Variants in BRD4 observed in about 807,000 individuals in gnomAD.
BRD4 encodes bromodomain containing 4.
BRD4 carries 16 observed loss-of-function variants against 142.1 expected under a neutral mutation model. That is an observed-to-expected ratio of 0.11 (90% CI 0.08 to 0.17). The LOEUF (loss-of-function observed/expected upper bound fraction) is 0.17, where lower values mean the gene tolerates loss of function less well. BRD4 is among the 10% of genes least tolerant of loss of function. The pLI, the probability that BRD4 is intolerant of heterozygous loss-of-function variation, is 1.00. For missense variants in BRD4, 1,424 were observed against 1,810.9 expected (o/e 0.79, Z 3.88); for synonymous variants, 833 against 707.5 (o/e 1.18, Z -2.82).
At chr19:15,297,067 G>A (rs2047829096) in intron 1 of BRD4, among the ~76,000 whole-genome samples, 1 of 152,164 alleles carries the variant, frequency 6.6e-6, no homozygotes, top group Admixed American at 6.5e-5. Context: ...TTGTATCTGT[G>A]AGGAGTAAAC....
intron 1 of BRD4, among the ~76,000 whole-genome samples, chr19:15,273,772 C>G (rs2047615772): frequency 6.6e-6 from 1 of 151,128 alleles, no homozygotes; most frequent in African/African-American, 2.4e-5. Context: ...TGCATGTTTA[C>G]TGCCGATAAA....
intron 14 of BRD4, among the ~76,000 whole-genome samples, chr19:15,241,727 C>A (rs181055354): frequency 8.1e-4 from 124 of 152,240 alleles, no homozygotes; most frequent in Non-Finnish European, 1.4e-3. Context: ...AGCTGCCAGG[C>A]CCAACACCAG....
At position 15,238,603 on chromosome 19, in the gene BRD4, T is replaced by G; in HGVS notation, c.4020+140A>C. The stretch of plus-strand genomic sequence containing the variant: ...CACACAGCACTCAGGGCCCTACAGC[T>G]GAGTCCAGAGGACCACATGCCGACC... On this transcript the variant is annotated intron_variant, in intron 19 of 19. Transcript: ENST00000679869. This position sits in a 1 kb window ranked among gnomAD's most constrained non-coding sequence, Gnocchi z 7.2. 1 of 1,479,236 alleles carries G rather than the reference T, an allele frequency of 6.8e-7. No individual in the cohort carries two copies. Among genetic ancestry groups the G allele is most frequent in the Non-Finnish European group, 9.0e-7 (1 of 1,112,448 alleles). The allele number at this position is 1,479,236 out of a possible 1,614,324, so 91.6% of individuals were successfully genotyped here. A position where few individuals can be genotyped will look rare whatever the true frequency, so the allele number is the denominator to read the frequency against.
chr19:15,239,209 G>C lies in BRD4; in HGVS notation c.3632C>G (p.Thr1211Ser), dbSNP rs776249512. Reference sequence around the variant, plus strand: ...TGACTTGGCTGTGGAGGAGGGGGTGGTCGGATGCTTCTGCACTAGGCTGGC... The same window carrying C: ...TGACTTGGCTGTGGAGGAGGGGGTGCTCGGATGCTTCTGCACTAGGCTGGC... ...SWASLVQKHPTTPSSTAKSSS... is the reference protein window; with the variant it reads ...SWASLVQKHPSTPSSTAKSSS... Residue 1211 changes from threonine to serine, a missense_variant, in exon 18 of 20, where the codon ACC (threonine) becomes AGC (serine). Physicochemically the swap from Thr to Ser is moderately conservative, Grantham distance 58. This residue lies in a region of BRD4 where 49 missense variants were observed against 97.3 expected (regional missense o/e 0.50). Transcript: ENST00000679869. This position sits in a 1 kb window ranked among gnomAD's most constrained non-coding sequence, Gnocchi z 7.4. 6.2e-7 allele frequency: 1 copy of C among 1,613,082 alleles called. No individual in the cohort carries two copies. Among genetic ancestry groups the C allele is most frequent in the Admixed American group, 1.7e-5 (1 of 60,024 alleles).
intron 1 of BRD4, among the ~76,000 whole-genome samples, chr19:15,325,614 T>C (rs1305541951): frequency 6.6e-6 from 1 of 152,082 alleles, no homozygotes; most frequent in Non-Finnish European, 1.5e-5. Context: ...CCTGTCAAGC[T>C]CTGATTGGAG....
intron 1 of BRD4, among the ~76,000 whole-genome samples, chr19:15,296,908 G>C (rs2047827578): frequency 6.7e-6 from 1 of 150,088 alleles, no homozygotes; most frequent in Non-Finnish European, 1.5e-5. Context: ...ATGGAGAGTA[G>C]GCTCTGACGG....
chr19:15,267,317 A>G (rs2145608961), intron 4 of BRD4, 99 bp downstream of exon 4: 2 of 1,438,984 alleles, frequency 1.4e-6, no homozygotes, highest in South Asian at 1.3e-5. Context: ...TGCAGTATAT[A>G]ATGTCACATC....
rs371833804 is a variant in BRD4, at chr19:15,273,115, A to C, written c.-16T>G. The stretch of plus-strand genomic sequence containing the variant: ...CCGCAGACATGCTAGTGATCCCATC[A>C]CATTCTTCACCAGGCACTCTACAAA... On this transcript the variant is annotated 5_prime_UTR_variant, in exon 2 of 20. The change abolishes the stop of an existing upstream ORF in the 5' untranslated region. Coordinates refer to ENST00000679869, the MANE Select transcript of BRD4 (RefSeq NM_001379291.1). The C allele has an allele frequency of 1.7e-5, 26 of 1,566,752 alleles. No individual in the cohort carries two copies. The African/African-American group carries it at 2.6e-4, about 16-fold the overall frequency.
chr19:15,258,571 AC>A (rs1477267312), intron 7 of BRD4, among the ~76,000 whole-genome samples: 1 of 152,078 alleles, frequency 6.6e-6, no homozygotes, highest in Non-Finnish European at 1.5e-5. Flanking sequence ...AGCGTGAGCC[AC>A]TGCGCCTGGC....
At chr19:15,316,562 G>C (rs1385912771) in intron 1 of BRD4, among the ~76,000 whole-genome samples, 1 of 151,900 alleles carries the variant, frequency 6.6e-6, no homozygotes, top group Non-Finnish European at 1.5e-5. Flanking sequence ...TTCCATTCCA[G>C]CCTGGGCAAC....
chr19:15,264,011 C>T (rs1033635480), intron 6 of BRD4: 3 of 237,946 alleles, frequency 1.3e-5, no homozygotes, highest in African/African-American at 4.5e-5. Flanking sequence ...GCACTTACAG[C>T]GTGCCTCCAA....
At chr19:15,317,905 A>C (rs1010907291) in intron 1 of BRD4, among the ~76,000 whole-genome samples, 3 of 152,256 alleles carry the variant, frequency 2.0e-5, no homozygotes, top group Non-Finnish European at 4.4e-5. Flanking sequence ...CCAGGCAGCT[A>C]ATCTGTCAGC....
intron 11 of BRD4, among the ~76,000 whole-genome samples, chr19:15,245,622 G>A (rs1015194312): frequency 6.6e-6 from 1 of 152,184 alleles, no homozygotes; most frequent in Non-Finnish European, 1.5e-5. Flanking sequence ...TCACCCCAGA[G>A]ATTTACACTA....
chr19:15,288,685 C>T (rs921836996), intron 1 of BRD4, among the ~76,000 whole-genome samples: 4 of 152,254 alleles, frequency 2.6e-5, no homozygotes, highest in Non-Finnish European at 4.4e-5. Flanking sequence ...CCAGCAGACA[C>T]ACAGGGCCGC....
intron 1 of BRD4, among the ~76,000 whole-genome samples, chr19:15,311,693 T>C (rs1351879724): frequency 6.6e-6 from 1 of 151,228 alleles, no homozygotes; most frequent in Non-Finnish European, 1.5e-5. Flanking sequence ...TCCCAGCTAC[T>C]TGAGAGGCTG....
chr19:15,265,719 AC>A, intron 4 of BRD4, 76 bp from the exon 5 acceptor site: 1 of 1,464,062 alleles, frequency 6.8e-7, no homozygotes, highest in African/African-American at 1.4e-5. Context: ...GGGGACATAC[AC>A]CACACACAGT....
chr19:15,289,552 AAAAT>A lies in BRD4; in HGVS notation c.-34-16423_-34-16420del, dbSNP rs528874161. On this transcript the variant is annotated intron_variant, in intron 1 of 19. Coordinates refer to ENST00000679869, the MANE Select transcript of BRD4 (RefSeq NM_001379291.1). ...GGCAACAAGAGCGAAACTCCATCTT[AAAAT>A]AAATAAATAAATAAATAAAATAAAT... Among the ~76,000 whole-genome samples the A allele has an allele frequency of 8.1e-4, 123 of 152,212 alleles. 1 individual carries two copies. Among genetic ancestry groups the A allele is most frequent in the African/African-American group, 2.2e-3 (93 of 41,548 alleles).
At chr19:15,278,952 C>T (rs369265487) in intron 1 of BRD4, among the ~76,000 whole-genome samples, 9 of 152,272 alleles carry the variant, frequency 5.9e-5, no homozygotes, top group East Asian at 1.9e-4. Flanking sequence ...AGCAATTCTC[C>T]GGCCTCAGCC....
At chr19:15,306,554 T>C (rs1159309974) in intron 1 of BRD4, among the ~76,000 whole-genome samples, 2 of 152,178 alleles carry the variant, frequency 1.3e-5, no homozygotes, top group Admixed American at 1.3e-4. Context: ...ATTACAGGCA[T>C]GAACCCCACG....
Sources: allele counts gnomAD v4.1 joint callset (sites outside exome capture counted in the v4.1 genomes callset), GRCh38; gene constraint gnomAD v4.1.1; regional missense constraint gnomAD v4.1.1; non-coding constraint Gnocchi (gnomAD v3.1); transcripts MANE v1.5; gene names NCBI Gene and HGNC (gene_info 2026-07-23, HGNC 2026-07-21).